Variants in GLIS3 observed in about 807,000 individuals in gnomAD.
The protein encoded by GLIS3 is zinc finger protein GLIS3.
A neutral mutation model predicts 78.6 loss-of-function variants in GLIS3; 53 were observed. The ratio of observed to expected loss-of-function variants is 0.67; its 90% CI spans 0.54 to 0.85. GLIS3 has a LOEUF of 0.85. Ranked by LOEUF, GLIS3 falls within the 40% of genes least tolerant of loss-of-function variation. GLIS3 has a pLI of 0.00. For missense variants in GLIS3, 1,703 were observed against 1,231.1 expected, an observed-to-expected ratio of 1.38 and a Z score of -5.74; for synonymous variants, 684 against 509.9, an observed-to-expected ratio of 1.34 and a Z score of -4.60.
chr9:3,935,530 T>C (rs180801087), intron 5 of GLIS3, among the ~76,000 whole-genome samples: 37 of 152,294 alleles, frequency 2.4e-4, no homozygotes, highest in Middle Eastern at 6.8e-3. Flanking sequence ...TGCGAAACCA[T>C]AACACTTAGC....
chr9:4,404,422 T>A, the GLIS3 span, among the ~76,000 whole-genome samples: 6 of 152,294 alleles, frequency 3.9e-5, no homozygotes, highest in African/African-American at 1.4e-4. Context: ...GAATATACAT[T>A]CTTCTCAGTA....
intron 2 of GLIS3, among the ~76,000 whole-genome samples, chr9:4,332,841 C>T (rs572990776): frequency 1.3e-5 from 2 of 152,316 alleles, no homozygotes; most frequent in South Asian, 2.1e-4. Flanking sequence ...CTAGATACTA[C>T]ATATTCTGAA....
At chr9:4,418,723 T>TAC in the GLIS3 span, among the ~76,000 whole-genome samples, 11 of 151,994 alleles carry the variant, frequency 7.2e-5, no homozygotes, top group African/African-American at 2.7e-4. Flanking sequence ...AAAAAACATA[T>TAC]TGGAGAAAGA....
Position 4,125,793 on chromosome 9 carries a change from A to G in GLIS3, c.537T>C (p.Ser179=). ...SQVSTACNQI[S]PSLQRAMNAA... is the part of the protein sequence containing the mutation. Reference sequence around the variant, plus strand: ...CATTCATTGCCCTCTGTAAGCTAGGACTGATCTGGTTGCATGCTGTAGAGA... The same window carrying G: ...CATTCATTGCCCTCTGTAAGCTAGGGCTGATCTGGTTGCATGCTGTAGAGA... Residue 179 remains serine (S), a synonymous_variant, in exon 3 of 11, where the codon AGT becomes AGC. Transcript: ENST00000381971. 1 of 1,614,122 alleles carries G rather than the reference A, an allele frequency of 6.2e-7. No homozygotes were observed. Among genetic ancestry groups the G allele is most frequent in the Non-Finnish European group, 8.5e-7 (1 of 1,180,004 alleles).
intron 1 of GLIS3, among the ~76,000 whole-genome samples, chr9:4,297,663 CG>C (rs756064220): frequency 4.4e-4 from 67 of 152,278 alleles, no homozygotes; most frequent in Non-Finnish European, 5.3e-4. Flanking sequence ...CCTGTGATTC[CG>C]GAAGCACCTC....
chr9:4,291,591 G>C (rs1033113142), intron 1 of GLIS3, among the ~76,000 whole-genome samples: 13 of 152,108 alleles, frequency 8.5e-5, no homozygotes, highest in African/African-American at 3.1e-4. Flanking sequence ...GGACACAGAA[G>C]AAAGAAAGGA....
At chr9:3,894,430 C>T (rs1382278394) in intron 7 of GLIS3, among the ~76,000 whole-genome samples, 2 of 152,102 alleles carry the variant, frequency 1.3e-5, no homozygotes, top group Non-Finnish European at 2.9e-5. Flanking sequence ...CAAGCTGTCC[C>T]ACGACAGCAA....
the GLIS3 span, among the ~76,000 whole-genome samples, chr9:4,399,797 C>G: frequency 6.6e-6 from 1 of 152,184 alleles, no homozygotes; most frequent in Non-Finnish European, 1.5e-5. Flanking sequence ...GAAGAGGCAT[C>G]TAACCCAGCC....
intron 6 of GLIS3, among the ~76,000 whole-genome samples, chr9:3,919,581 T>C (rs560695089): frequency 6.6e-6 from 1 of 150,788 alleles, no homozygotes; most frequent in African/African-American, 2.4e-5. Context: ...CAAACCCTCA[T>C]GACACAAGTT....
At chr9:4,339,596 G>C (rs956225362) in intron 2 of GLIS3, among the ~76,000 whole-genome samples, 1 of 150,364 alleles carries the variant, frequency 6.7e-6, no homozygotes, top group South Asian at 2.1e-4. Context: ...TCTGTGATCC[G>C]TCTCTGTTGT....
At chr9:3,966,561 T>C (rs1817946779) in intron 4 of GLIS3, among the ~76,000 whole-genome samples, 1 of 151,962 alleles carries the variant, frequency 6.6e-6, no homozygotes, top group Admixed American at 6.6e-5. Context: ...TTTGGGAGGC[T>C]GAGGCAGGCC....
intron 4 of GLIS3, among the ~76,000 whole-genome samples, chr9:3,963,396 T>C (rs1294620862): frequency 6.6e-6 from 1 of 152,196 alleles, no homozygotes; most frequent in African/African-American, 2.4e-5. Context: ...CCAGTATCAC[T>C]GGCCCTGCTG....
At chr9:4,433,352 AC>A in the GLIS3 span, among the ~76,000 whole-genome samples, 1 of 152,168 alleles carries the variant, frequency 6.6e-6, no homozygotes, top group Non-Finnish European at 1.5e-5. Context: ...GAATCACTTG[AC>A]CCCAGAAGGC....
chr9:4,218,265 CT>C (rs1821025482), intron 2 of GLIS3, among the ~76,000 whole-genome samples: 1 of 152,206 alleles, frequency 6.6e-6, no homozygotes. Context: ...CCACCATGGT[CT>C]AAACCAGAGC....
chr9:4,123,506 C>T (rs1832342278), intron 3 of GLIS3, among the ~76,000 whole-genome samples: 1 of 152,044 alleles, frequency 6.6e-6, no homozygotes, highest in African/African-American at 2.4e-5. Flanking sequence ...GAATGGGAAA[C>T]AACTAAGTGC....
chr9:4,450,918 A>T, the GLIS3 span, among the ~76,000 whole-genome samples: 1 of 152,234 alleles, frequency 6.6e-6, no homozygotes, highest in Non-Finnish European at 1.5e-5. Flanking sequence ...AAGACCATCA[A>T]TGCTAGAAAG....
At chr9:4,352,641 C>T (rs368640183), upstream of GLIS3, among the ~76,000 whole-genome samples, 8 of 152,340 alleles carry the variant, frequency 5.3e-5, no homozygotes, top group East Asian at 1.3e-3. Flanking sequence ...TTTGTGGGCA[C>T]AGACCTGGTT....
At chr9:4,324,369 CTTCT>C (rs917585345) in intron 2 of GLIS3, among the ~76,000 whole-genome samples, 73 of 152,252 alleles carry the variant, frequency 4.8e-4, no homozygotes, top group African/African-American at 1.7e-3. Flanking sequence ...AGTTACTTAA[CTTCT>C]TTCAACCTCA....
At chr9:4,276,650 G>T (rs972796399) in intron 2 of GLIS3, among the ~76,000 whole-genome samples, 3 of 152,042 alleles carry the variant, frequency 2.0e-5, no homozygotes, top group African/African-American at 7.2e-5. Context: ...AGTGGGGAAG[G>T]GTACTAATGG....
Sources: gnomAD v4.1 joint callset for allele counts (sites outside exome capture counted in the v4.1 genomes callset) on GRCh38, gnomAD v4.1.1 for gene constraint, MANE v1.5 for transcripts, NCBI Gene and HGNC (gene_info 2026-07-23, HGNC 2026-07-21) for gene names.